Variants in RPTOR observed in about 807,000 individuals in gnomAD.
The protein encoded by RPTOR is regulatory-associated protein of mTOR.
Under a neutral mutation model 169.9 loss-of-function variants are expected in RPTOR, and 21 were observed. The ratio of observed to expected loss-of-function variants is 0.12; its 90% CI spans 0.09 to 0.18. The LOEUF is 0.18. Ranked by LOEUF, RPTOR falls within the 10% of genes least tolerant of loss-of-function variation. The probability of loss-of-function intolerance (pLI) is 1.00; values close to 1 mark genes in which losing one functional copy is unlikely to be tolerated. For synonymous variants in RPTOR, 732 were observed against 753.2 expected (o/e 0.97, Z 0.46); for missense variants, 1,133 against 1,855.9 (o/e 0.61, Z 7.16).
At chr17:80,759,378 T>C (rs1184319467) in intron 6 of RPTOR, among the ~76,000 whole-genome samples, 1 of 152,094 alleles carries the variant, frequency 6.6e-6, no homozygotes, top group Non-Finnish European at 1.5e-5. Context: ...AGTAAGCATT[T>C]AGTAGGAAGT....
intron 7 of RPTOR, among the ~76,000 whole-genome samples, chr17:80,801,416 G>A (rs952862254): frequency 6.6e-6 from 1 of 152,060 alleles, no homozygotes; most frequent in Admixed American, 6.5e-5. Flanking sequence ...GGGATTTGCT[G>A]GCAGCCTCCC....
chr17:80,873,556 G>C (rs1482826302), intron 13 of RPTOR, among the ~76,000 whole-genome samples: 3 of 152,234 alleles, frequency 2.0e-5, no homozygotes, highest in African/African-American at 7.2e-5. Flanking sequence ...TCCCTGCAAA[G>C]GGTGGGGAGA....
chr17:80,627,610 C>T (rs2065405918), intron 2 of RPTOR, among the ~76,000 whole-genome samples: 1 of 152,132 alleles, frequency 6.6e-6, no homozygotes, highest in Admixed American at 6.5e-5. Flanking sequence ...ATTTGTGATT[C>T]ATCTGTGTAG....
chr17:80,595,934 T>G (rs1317557364), intron 1 of RPTOR, among the ~76,000 whole-genome samples: 1 of 152,224 alleles, frequency 6.6e-6, no homozygotes, highest in Non-Finnish European at 1.5e-5. Context: ...CCCTGGGGAC[T>G]TTACTAAATG....
intron 2 of RPTOR, among the ~76,000 whole-genome samples, chr17:80,638,314 A>G (rs1242416518): frequency 2.0e-5 from 3 of 152,150 alleles, no homozygotes; most frequent in African/African-American, 7.2e-5. Flanking sequence ...ACGGCCAGTC[A>G]CAGCCGTATG....
intron 4 of RPTOR, among the ~76,000 whole-genome samples, chr17:80,728,480 G>C (rs554652372): frequency 2.2e-5 from 2 of 90,610 alleles, no homozygotes; most frequent in African/African-American, 6.9e-5. Flanking sequence ...TGTAATCTCA[G>C]ATAGCAAAAT....
chr17:80,566,102 G>A (rs1015291569), intron 1 of RPTOR, among the ~76,000 whole-genome samples: 3 of 152,298 alleles, frequency 2.0e-5, no homozygotes, highest in South Asian at 2.1e-4. Context: ...CTGGTTCCAC[G>A]GCTCTCTACC....
chr17:80,956,186 G>A (rs865979867), intron 28 of RPTOR, among the ~76,000 whole-genome samples: 2 of 151,106 alleles, frequency 1.3e-5, no homozygotes, highest in African/African-American at 2.4e-5. Context: ...AGGGGCAGAC[G>A]ATGCTTTTAC....
At chr17:80,799,820 T>C (rs939287520) in intron 7 of RPTOR, among the ~76,000 whole-genome samples, 2 of 152,134 alleles carry the variant, frequency 1.3e-5, no homozygotes, top group Non-Finnish European at 2.9e-5. Flanking sequence ...AGGATGGTCC[T>C]GAGTGCAGGC....
At position 80,545,753 on chromosome 17, in the gene RPTOR, T is replaced by C. The variant is rs2143185572; in HGVS notation, c.124T>C (p.Ser42Pro). 1 of 1,613,800 alleles carries C rather than the reference T, an allele frequency of 6.2e-7. No homozygotes were observed. Among genetic ancestry groups the C allele is most frequent in the Non-Finnish European group, 8.5e-7 (1 of 1,179,850 alleles). ...GAGGCACTGTGAGAAAATTGAAGGC[T>C]CCAAATCCTTAGCTCAGAGCTGGAG... is the stretch of plus-strand genomic sequence containing the variant. ...KKRHCEKIEG[S>P]KSLAQSWRMK... Residue 42 changes from serine to proline, a missense_variant, in exon 1 of 34, where the codon TCC becomes CCC. This residue lies in a region of RPTOR where 47 missense variants were observed against 59.5 expected (regional missense o/e 0.79). Coordinates refer to ENST00000306801, the MANE Select transcript of RPTOR (RefSeq NM_020761.3).
intron 3 of RPTOR, among the ~76,000 whole-genome samples, chr17:80,653,458 A>C (rs955545198): frequency 7.9e-5 from 12 of 152,200 alleles, no homozygotes; most frequent in African/African-American, 2.4e-4. Flanking sequence ...CCAATCCCTT[A>C]AGATTCCTGT....
intron 3 of RPTOR, among the ~76,000 whole-genome samples, chr17:80,661,543 T>C (rs1005290894): frequency 6.6e-6 from 1 of 152,130 alleles, no homozygotes; most frequent in African/African-American, 2.4e-5. Flanking sequence ...ACCTGGTGTT[T>C]TGCACCCGTG....
intron 3 of RPTOR, among the ~76,000 whole-genome samples, chr17:80,683,193 T>G (rs2065911406): frequency 6.6e-6 from 1 of 152,218 alleles, no homozygotes; most frequent in South Asian, 2.1e-4. Flanking sequence ...ACACGGCTTT[T>G]TGATGGCACT....
At chr17:80,738,446 C>T (rs541060982) in intron 5 of RPTOR, among the ~76,000 whole-genome samples, 2 of 152,294 alleles carry the variant, frequency 1.3e-5, no homozygotes, top group South Asian at 4.1e-4. Flanking sequence ...AATTTGGAGG[C>T]TTCAGTAAAA....
rs1413340645 is a variant in RPTOR, at chr17:80,936,122, T to A, written c.2920-4374T>A. Among the ~76,000 whole-genome samples the A allele has an allele frequency of 6.6e-6, 1 of 152,148 alleles. No individual in the cohort carries two copies. The highest frequency in any genetic ancestry group is 2.4e-5 in the African/African-American group (1 of 41,414). The stretch of plus-strand genomic sequence containing the variant: ...ATGGAATGATGCTCATTGTTAAGGA[T>A]CTTAATCACGGGAAAGTACGGACCC... On this transcript the variant is annotated intron_variant, in intron 24 of 33. Coordinates refer to ENST00000306801, the MANE Select transcript of RPTOR (RefSeq NM_020761.3). The surrounding 1 kb of genome is among the most constrained non-coding windows in gnomAD (Gnocchi z 4.1).
At chr17:80,832,929 A>C (rs1156632193) in intron 9 of RPTOR, among the ~76,000 whole-genome samples, 2 of 152,260 alleles carry the variant, frequency 1.3e-5, no homozygotes, top group Admixed American at 1.3e-4. Flanking sequence ...AGGTTAAAAC[A>C]TGAAGTCATC....
At chr17:80,868,443 ACAC>A (rs533214849) in intron 13 of RPTOR, among the ~76,000 whole-genome samples, 166 of 152,362 alleles carry the variant, frequency 1.1e-3, no homozygotes, top group Non-Finnish European at 1.6e-3. Flanking sequence ...ATACCACTGC[ACAC>A]CAAGTAGATG....
chr17:80,557,388 A>G (rs1263512243), intron 1 of RPTOR, among the ~76,000 whole-genome samples: 1 of 148,810 alleles, frequency 6.7e-6, no homozygotes, highest in East Asian at 2.1e-4. Context: ...GTGGTCGTGG[A>G]TGCCTGTTAT....
chr17:80,593,985 C>T (rs576527870), intron 1 of RPTOR, among the ~76,000 whole-genome samples: 13 of 152,242 alleles, frequency 8.5e-5, no homozygotes, highest in Admixed American at 5.2e-4. Flanking sequence ...CGAGAACTAC[C>T]GGTTTATAGA....
Sources: gnomAD v4.1 joint callset for allele counts (sites outside exome capture counted in the v4.1 genomes callset) on GRCh38, gnomAD v4.1.1 for gene constraint, gnomAD v4.1.1 regional missense constraint, Gnocchi (gnomAD v3.1) non-coding constraint, MANE v1.5 for transcripts, NCBI Gene and HGNC (gene_info 2026-07-23, HGNC 2026-07-21) for gene names.